RUNX1: variants seen among roughly 807,000 people sequenced by gnomAD.
The protein encoded by RUNX1 is RUNX family transcription factor 1, also known as runt-related transcription factor 1.
RUNX1 carries 19 observed loss-of-function variants against 42.8 expected under a neutral mutation model. The observed-to-expected ratio is 0.44, with a 90% CI of 0.31 to 0.65. The LOEUF is 0.65. Ranked by LOEUF, RUNX1 falls within the 30% of genes least tolerant of loss-of-function variation. The pLI, the probability that RUNX1 is intolerant of heterozygous loss-of-function variation, is 0.07. For synonymous variants in RUNX1, 271 were observed against 289.4 expected (o/e 0.94, Z 0.64); for missense variants, 528 against 672.0 (o/e 0.79, Z 2.37).
intron 5 of RUNX1, among the ~76,000 whole-genome samples, chr21:34,878,879 T>C (rs2146349304): frequency 6.6e-6 from 1 of 152,344 alleles, no homozygotes; most frequent in East Asian, 1.9e-4. Context: ...AAAATGTCAC[T>C]GGCACGGATC....
At chr21:34,964,228 C>T (rs912628770) in intron 2 of RUNX1, among the ~76,000 whole-genome samples, 1 of 152,150 alleles carries the variant, frequency 6.6e-6, no homozygotes, top group Non-Finnish European at 1.5e-5. Flanking sequence ...GTGGCTCACG[C>T]CTGTAATTCC....
chr21:35,026,664 C>T (rs1169785815), intron 2 of RUNX1, among the ~76,000 whole-genome samples: 1 of 152,236 alleles, frequency 6.6e-6, no homozygotes, highest in Non-Finnish European at 1.5e-5. Context: ...CCAGGATCTG[C>T]GCGCATCCGC....
intron 7 of RUNX1, chr21:34,834,159 C>T: frequency 1.4e-6 from 1 of 695,266 alleles, no homozygotes; most frequent in Non-Finnish European, 2.6e-6. Context: ...CTCCTCGTAT[C>T]CTCTGTAGCA....
At chr21:34,825,981 A>G (rs908887326) in intron 7 of RUNX1, among the ~76,000 whole-genome samples, 1 of 152,234 alleles carries the variant, frequency 6.6e-6, no homozygotes, top group African/African-American at 2.4e-5. Flanking sequence ...CAGAGAATGT[A>G]TGGTCTTGCC....
At chr21:34,925,662 A>G (rs1216865117) in intron 2 of RUNX1, among the ~76,000 whole-genome samples, 2 of 152,200 alleles carry the variant, frequency 1.3e-5, no homozygotes, top group African/African-American at 4.8e-5. Flanking sequence ...TTTTGAGGCA[A>G]TAAATTTCTG....
At position 34,893,770 on chromosome 21, in the gene RUNX1, GTT is replaced by G. The variant is rs67786578; in HGVS notation, c.59-809_59-808del. On this transcript the variant is annotated intron_variant, in intron 2 of 8. Coordinates refer to ENST00000675419, the MANE Select transcript of RUNX1 (RefSeq NM_001754.5). ...TCCATGCCACAATATTTAGTATGCT[GTT>G]TTTTTTTTTTTAAAAAAAAACCTTT... 5.4e-3 allele frequency among the ~76,000 whole-genome samples: 740 copies of G among 137,658 alleles called. 1 individual carries two copies. Among genetic ancestry groups the G allele is most frequent in the African/African-American group, 0.012 (415 of 34,704 alleles). The allele number at this position is 137,658 out of a possible 152,430, so 90.3% of individuals were successfully genotyped here.
intron 2 of RUNX1, among the ~76,000 whole-genome samples, chr21:34,947,904 A>G (rs185629395): frequency 2.0e-5 from 3 of 152,086 alleles, no homozygotes; most frequent in Non-Finnish European, 4.4e-5. Flanking sequence ...GCTGCGAGGA[A>G]GTATTTGCAG....
intron 7 of RUNX1, among the ~76,000 whole-genome samples, chr21:34,826,291 C>T (rs1295358293): frequency 1.3e-5 from 2 of 152,096 alleles, no homozygotes; most frequent in African/African-American, 2.4e-5. Flanking sequence ...TAAAAGCAAG[C>T]TCTCTTGCAC....
At chr21:34,936,357 A>C (rs1051471285) in intron 2 of RUNX1, among the ~76,000 whole-genome samples, 1 of 152,198 alleles carries the variant, frequency 6.6e-6, no homozygotes, top group African/African-American at 2.4e-5. Flanking sequence ...CTTTTATAGA[A>C]GAAAGAATAA....
intron 6 of RUNX1, among the ~76,000 whole-genome samples, chr21:34,844,390 G>A (rs367562437): frequency 1.8e-4 from 27 of 152,138 alleles, no homozygotes; most frequent in East Asian, 1.2e-3. Flanking sequence ...CACTGCTTGC[G>A]TGAGCATGTT....
chr21:35,001,329 TATATAC>T (rs1311889721), intron 2 of RUNX1, among the ~76,000 whole-genome samples: 4 of 145,680 alleles, frequency 2.7e-5, no homozygotes, highest in South Asian at 4.3e-4. Flanking sequence ...TATATATATA[TATATAC>T]GCATATATAA....
intron 2 of RUNX1, among the ~76,000 whole-genome samples, chr21:35,018,445 A>C (rs2059175193): frequency 6.6e-6 from 1 of 152,196 alleles, no homozygotes; most frequent in African/African-American, 2.4e-5. Flanking sequence ...CCAGACTTCC[A>C]GTCTCCAGAA....
intron 2 of RUNX1, among the ~76,000 whole-genome samples, chr21:35,001,564 A>G (rs2059044561): frequency 6.6e-6 from 1 of 152,152 alleles, no homozygotes; most frequent in Non-Finnish European, 1.5e-5. Flanking sequence ...AACTACTGAA[A>G]GCTTTTCCCC....
Position 34,862,243 on chromosome 21 carries a change from G to A in RUNX1, c.509-2665C>T, listed in dbSNP as rs1018713315. ...CATCAGCAAAATGAGGGGGGTTCAT[G>A]GGATGCATGCAATGTCCCTTTCAAC... On this transcript the variant is annotated intron_variant, in intron 5 of 8. Transcript: ENST00000675419. Among the ~76,000 whole-genome samples the A allele has an allele frequency of 2.0e-5, 3 of 152,114 alleles. No homozygotes were observed. The East Asian group carries it at 5.8e-4, about 29-fold the overall frequency.
chr21:34,844,896 C>G (rs2057294938), intron 6 of RUNX1, among the ~76,000 whole-genome samples: 1 of 152,144 alleles, frequency 6.6e-6, no homozygotes, highest in Admixed American at 6.5e-5. Flanking sequence ...GACAGGGTAC[C>G]CTGGCCACTC....
intron 2 of RUNX1, among the ~76,000 whole-genome samples, chr21:34,995,673 T>C (rs1293367782): frequency 1.3e-5 from 2 of 152,150 alleles, no homozygotes; most frequent in African/African-American, 4.8e-5. Flanking sequence ...ACTCCTGAAC[T>C]CAAGCCATTC....
rs1002733325 is a variant in RUNX1, at chr21:35,026,803, G to A, written c.58+22039C>T. Among the ~76,000 whole-genome samples, 5 of 152,346 alleles carry A rather than the reference G, an allele frequency of 3.3e-5. No homozygotes were observed. In the East Asian group the frequency reaches 9.7e-4, roughly 29 times the overall value. ...AGCCAGAAACGGCGGGGACGCGAGC[G>A]GCCCAGACAGGAAGGGAGGCGGTGG... is the stretch of plus-strand genomic sequence containing the variant. On this transcript the variant is annotated intron_variant, in intron 2 of 8. Transcript: ENST00000675419.
At chr21:34,998,979 C>T (rs1470512481) in intron 2 of RUNX1, among the ~76,000 whole-genome samples, 1 of 152,246 alleles carries the variant, frequency 6.6e-6, no homozygotes, top group Non-Finnish European at 1.5e-5. Flanking sequence ...CTCTATCCCA[C>T]CAATGAGAGA....
At chr21:34,851,590 T>C (rs1365422761) in intron 6 of RUNX1, among the ~76,000 whole-genome samples, 1 of 149,516 alleles carries the variant, frequency 6.7e-6, no homozygotes, top group Admixed American at 6.6e-5. Flanking sequence ...GCAGACAGGG[T>C]TTTTTTTTTC....
Sources: allele counts gnomAD v4.1 joint callset (sites outside exome capture counted in the v4.1 genomes callset), GRCh38; gene constraint gnomAD v4.1.1; transcripts MANE v1.5; gene names NCBI Gene and HGNC (gene_info 2026-07-23, HGNC 2026-07-21).